RAD21: variants seen among roughly 807,000 people sequenced by gnomAD.
RAD21 encodes RAD21 cohesin complex component, also known as double-strand-break repair protein rad21 homolog.
Under a neutral mutation model 71.5 loss-of-function variants are expected in RAD21, and 18 were observed. That is an observed-to-expected ratio of 0.25 (90% CI 0.17 to 0.37). The LOEUF (loss-of-function observed/expected upper bound fraction) is 0.37, where lower values mean the gene tolerates loss of function less well. Ranked by LOEUF, RAD21 falls within the 10% of genes least tolerant of loss-of-function variation. The pLI is 1.00. For synonymous variants in RAD21, 248 were observed against 254.0 expected, an observed-to-expected ratio of 0.98 and a Z score of 0.22; for missense variants, 493 against 769.1, an observed-to-expected ratio of 0.64 and a Z score of 4.25.
intron 3 of RAD21, 144 bp downstream of exon 3, chr8:116,862,986 T>C: frequency 1.9e-6 from 2 of 1,079,292 alleles, no homozygotes; most frequent in Non-Finnish European, 2.6e-6. Context: ...CCCCAAGCCT[T>C]GCTCTATCTT....
chr8:116,850,876 A>G, intron 11 of RAD21, 109 bp from the exon 12 acceptor site: 1 of 700,358 alleles, frequency 1.4e-6, no homozygotes, highest in Non-Finnish European at 2.4e-6. Context: ...AGAAATACTG[A>G]GATTATATCT....
Position 116,851,958 on chromosome 8 carries a change from G to C in RAD21, c.1460C>G (p.Pro487Arg). 1 of 1,607,908 alleles carries C rather than the reference G, an allele frequency of 6.2e-7. No individual in the cohort carries two copies. Among genetic ancestry groups the C allele is most frequent in the Non-Finnish European group, 8.5e-7 (1 of 1,175,486 alleles). Reference protein sequence around the residue: ...KRKAGQIDPEPVMPPQQVEQM... With the variant: ...KRKAGQIDPERVMPPQQVEQM... ...GATTTGCTTACTTACAGGCATCACA[G>C]GCTCTGGGTCAATTTGTCCAGCTTT... The change falls in exon 11 of 14, where the codon CCT becomes CGT. Residue 487 changes from proline to arginine, a missense_variant. Physicochemically the swap from Pro to Arg is moderately radical, Grantham distance 103 (BLOSUM62 -2). Coordinates refer to ENST00000297338, the MANE Select transcript of RAD21 (RefSeq NM_006265.3).
chr8:116,873,894 C>A (rs1323434890), intron 1 of RAD21, among the ~76,000 whole-genome samples: 1 of 152,198 alleles, frequency 6.6e-6, no homozygotes, highest in African/African-American at 2.4e-5. Flanking sequence ...AAAGAATGAT[C>A]AGAAAAGTTC....
At chr8:116,861,491 C>CATATTAA (rs1812593233) in intron 4 of RAD21, among the ~76,000 whole-genome samples, 1 of 151,224 alleles carries the variant, frequency 6.6e-6, no homozygotes, top group African/African-American at 2.4e-5. Context: ...CTGGCCAATC[C>CATATTAA]AGTAGCTGAC....
chr8:116,850,755 C>T lies in RAD21; in HGVS notation c.1483G>A (p.Glu495Lys), dbSNP rs776058173. The change falls in exon 12 of 14, where the codon GAG becomes AAG. Residue 495 changes from glutamate to lysine, a missense_variant. Transcript: ENST00000297338. ...PEPVMPPQQV[E>K]QMEIPPVELP... ...TCTACAGGTGGTATTTCCATCTGCTCTACCTGCTGAGGCTTAAAGCAATAC... is the reference window on the plus strand; with the variant it reads ...TCTACAGGTGGTATTTCCATCTGCTTTACCTGCTGAGGCTTAAAGCAATAC... 2.5e-6 allele frequency: 4 copies of T among 1,603,194 alleles called. No individual in the cohort carries two copies. Among genetic ancestry groups the T allele is most frequent in the Non-Finnish European group, 2.6e-6 (3 of 1,170,332 alleles).
chr8:116,873,467 T>C lies in RAD21; in HGVS notation c.-33+1144A>G, dbSNP rs145234317. Among the ~76,000 whole-genome samples, 869 of 152,318 alleles carry C rather than the reference T, an allele frequency of 5.7e-3. 4 individuals carry two copies. The highest frequency in any genetic ancestry group is 9.7e-3 in the Non-Finnish European group (661 of 68,016). Reference sequence around the variant, plus strand: ...TCTCCTGCCTGTCTCCAAAATTCTATAGACTCGCACTGCCCGCTGGCATTT... The same window carrying C: ...TCTCCTGCCTGTCTCCAAAATTCTACAGACTCGCACTGCCCGCTGGCATTT... On this transcript the variant is annotated intron_variant, in intron 1 of 13. Coordinates refer to ENST00000297338, the MANE Select transcript of RAD21 (RefSeq NM_006265.3).
At chr8:116,861,114 A>G in intron 4 of RAD21, among the ~76,000 whole-genome samples, 1 of 152,136 alleles carries the variant, frequency 6.6e-6, no homozygotes, top group East Asian at 1.9e-4. Flanking sequence ...GCCTAGAACT[A>G]ATCAACACAC....
At position 116,852,452 on chromosome 8, in the gene RAD21, T is replaced by C. The variant is rs1252084855; in HGVS notation, c.1321+97A>G. The stretch of plus-strand genomic sequence containing the variant: ...CCTGCCCAAACATTTGAGTATATCT[T>C]TGATTCCTCATTTCTTTCACTCTGA... On this transcript the variant is annotated intron_variant, in intron 10 of 13. Transcript: ENST00000297338. 32 of 1,302,152 alleles carry C rather than the reference T, an allele frequency of 2.5e-5. No homozygotes were observed. The East Asian group carries it at 7.2e-4, about 29-fold the overall frequency. 80.7% of individuals were successfully genotyped at this position (1,302,152 alleles called of 1,614,324 possible).
rs576809921 is a variant in RAD21 at position 116,866,483 on chromosome 8, T to C, written c.144+103A>G. 1.1e-5 allele frequency: 11 copies of C among 1,010,264 alleles called. No individual in the cohort carries two copies. The South Asian group carries it at 2.3e-4, about 21-fold the overall frequency. 62.6% of individuals were successfully genotyped at this position (1,010,264 alleles called of 1,614,324 possible). A position where few individuals can be genotyped will look rare whatever the true frequency, so the allele number is the denominator to read the frequency against. On this transcript the variant is annotated intron_variant, in intron 2 of 13. Transcript: ENST00000297338. Reference sequence around the variant, plus strand: ...AAAGAAACATTTCTAAGGATTTTCCTTGCACTCCAATGCCCCTACCTAAAA... The same window carrying C: ...AAAGAAACATTTCTAAGGATTTTCCCTGCACTCCAATGCCCCTACCTAAAA...
Position 116,863,176 on chromosome 8 carries a change from T to A in RAD21, c.228A>T (p.Ala76=), listed in dbSNP as rs2130479411. The A allele has an allele frequency of 3.1e-6, 5 of 1,612,226 alleles. No individual in the cohort carries two copies. The highest frequency in any genetic ancestry group is 4.2e-6 in the Non-Finnish European group (5 of 1,178,676). Residue 76 remains alanine (A), a synonymous_variant, in exon 3 of 14, where the codon GCA becomes GCT. Transcript: ENST00000297338. ...IYHRKAKYLL[A]DCNEAFIKIK... ...TCTTAATGAATGCTTCATTACAGTC[T>A]GCAAGAAGGTATTTGGCTTTCCTGT... is the stretch of plus-strand genomic sequence containing the variant.
intron 9 of RAD21, 71 bp from the exon 10 acceptor site, chr8:116,852,779 T>C: frequency 8.7e-7 from 1 of 1,150,510 alleles, no homozygotes. Flanking sequence ...CACTGATTTC[T>C]ATCTTCCAAA....
At chr8:116,874,007 T>G (rs1056199962) in intron 1 of RAD21, 1 of 152,176 alleles carries the variant, frequency 6.6e-6, no homozygotes, top group African/African-American at 2.4e-5. Flanking sequence ...AACGTAAAAA[T>G]TATCTTTTTA....
At chr8:116,857,835 C>T (rs1225312025) in intron 5 of RAD21, among the ~76,000 whole-genome samples, 1 of 152,118 alleles carries the variant, frequency 6.6e-6, no homozygotes, top group Non-Finnish European at 1.5e-5. Context: ...TGGTTCTGGG[C>T]ACAGTGGCAT....
At chr8:116,856,586 T>A in intron 7 of RAD21, 60 bp downstream of exon 7, 1 of 1,491,652 alleles carries the variant, frequency 6.7e-7, no homozygotes, top group Non-Finnish European at 9.0e-7. Flanking sequence ...TCTTCTATGG[T>A]AAGTATCTTT....
At chr8:116,859,614 T>G (rs1812545373) in intron 4 of RAD21, among the ~76,000 whole-genome samples, 1 of 152,100 alleles carries the variant, frequency 6.6e-6, no homozygotes, top group Non-Finnish European at 1.5e-5. Flanking sequence ...TGGGCAAACT[T>G]AATCAAGAAA....
chr8:116,854,178 T>A, intron 9 of RAD21, 67 bp downstream of exon 9: 1 of 1,289,562 alleles, frequency 7.8e-7, no homozygotes, highest in Non-Finnish European at 1.1e-6. Flanking sequence ...GATTCAAAGG[T>A]TTTAGAATCT....
chr8:116,870,561 C>T (rs1812800047), intron 1 of RAD21, among the ~76,000 whole-genome samples: 1 of 152,152 alleles, frequency 6.6e-6, no homozygotes, highest in Non-Finnish European at 1.5e-5. Context: ...TACTTCAAGC[C>T]TTAAAATGTT....
chr8:116,856,880 A>C, intron 6 of RAD21, 109 bp from the exon 7 acceptor site: 1 of 767,232 alleles, frequency 1.3e-6, no homozygotes, highest in Non-Finnish European at 1.9e-6. Flanking sequence ...ATTTAAACGT[A>C]TACTCAACTT....
chr8:116,851,777 T>A, intron 11 of RAD21, 171 bp downstream of exon 11: 1 of 557,558 alleles, frequency 1.8e-6, no homozygotes, highest in Non-Finnish European at 3.0e-6. Flanking sequence ...CCAGAACATA[T>A]TCTCTCACTC....
Sources: gnomAD v4.1 joint callset for allele counts (sites outside exome capture counted in the v4.1 genomes callset) on GRCh38, gnomAD v4.1.1 for gene constraint, MANE v1.5 for transcripts, NCBI Gene and HGNC (gene_info 2026-07-23, HGNC 2026-07-21) for gene names.